The following C15orf40 variants were observed in gnomAD, a reference collection of about 807,000 sequenced individuals.
C15orf40 encodes chromosome 15 open reading frame 40.
A neutral mutation model predicts 13.9 loss-of-function variants in C15orf40; 9 were observed. That is an observed-to-expected ratio of 0.65 (90% CI 0.39 to 1.13). The LOEUF (loss-of-function observed/expected upper bound fraction) is 1.13, where lower values mean the gene tolerates loss of function less well. C15orf40 is among the 50% of genes most tolerant of loss of function. The probability of loss-of-function intolerance (pLI) is 0.01; values close to 1 mark genes in which losing one functional copy is unlikely to be tolerated. For missense variants in C15orf40, 225 were observed against 188.5 expected (o/e 1.19, Z -1.13); for synonymous variants, 95 against 69.2 (o/e 1.37, Z -1.85).
rs2031397492 is a variant in C15orf40, at chr15:83,001,038, CCT to C, written c.*4557_*4558del. 1.2e-6 allele frequency: 1 copy of C among 850,206 alleles called. No homozygotes were observed. Among genetic ancestry groups the C allele is most frequent in the African/African-American group, 1.8e-5 (1 of 54,506 alleles). 52.7% of individuals were successfully genotyped at this position (850,206 alleles called of 1,614,324 possible). On this transcript the variant is annotated 3_prime_UTR_variant, in exon 4 of 4. Transcript: ENST00000304177. ...ATATTGGTCAGGCTGGTCTTAAACTCCTGACTTCAAGTGATCCACCCGCCTCA... is the reference window on the plus strand; with the variant it reads ...ATATTGGTCAGGCTGGTCTTAAACTCGACTTCAAGTGATCCACCCGCCTCA...
At chr15:83,006,543 T>C in intron 3 of C15orf40, 27 of 868,296 alleles carry the variant, frequency 3.1e-5, no homozygotes, top group Non-Finnish European at 3.6e-5. Context: ...GTGGATCACC[T>C]GAGGTCAGGA....
chr15:82,989,396 C>T (rs987304764), downstream of C15orf40, among the ~76,000 whole-genome samples: 4 of 152,180 alleles, frequency 2.6e-5, no homozygotes, highest in Admixed American at 6.5e-5. Context: ...TGTTCAAGTG[C>T]GTGTGTTTTT....
Position 83,003,994 on chromosome 15 carries a change from C to G in C15orf40, c.*1603G>C, listed in dbSNP as rs1304515664. The G allele has an allele frequency of 6.6e-6, 1 of 151,852 alleles. No individual in the cohort carries two copies. The highest frequency in any genetic ancestry group is 1.5e-5 in the Non-Finnish European group (1 of 67,960). The allele number at this position is 151,852 out of a possible 1,614,324, so 9.4% of individuals were successfully genotyped here. On this transcript the variant is annotated 3_prime_UTR_variant, in exon 4 of 4. Transcript: ENST00000304177. ...AACTCCTAACCTCAGGTGATCCACC[C>G]GCCTCGACCTCCCAAAGTGCTGGGA... is the stretch of plus-strand genomic sequence containing the variant.
At chr15:82,991,970 C>T (rs1270377019), downstream of C15orf40, 2 of 1,210,184 alleles carry the variant, frequency 1.7e-6, no homozygotes, top group Non-Finnish European at 2.2e-6. Flanking sequence ...TATCCCAGCA[C>T]TCTGGGAGGC....
Position 82,998,543 on chromosome 15 carries a change from G to C in C15orf40, c.*7054C>G, listed in dbSNP as rs1173056900. The C allele has an allele frequency of 1.2e-5, 1 of 85,600 alleles. No homozygotes were observed. The highest frequency in any genetic ancestry group is 2.3e-5 in the Non-Finnish European group (1 of 43,616). The allele number at this position is 85,600 out of a possible 1,614,324, so 5.3% of individuals were successfully genotyped here. A position where few individuals can be genotyped will look rare whatever the true frequency, so the allele number is the denominator to read the frequency against. On this transcript the variant is annotated 3_prime_UTR_variant, in exon 4 of 4. Coordinates refer to ENST00000304177, the MANE Select transcript of C15orf40 (RefSeq NM_144597.3). ...CTCACATCCCAGATGGGGCGGCGGG[G>C]CAGAGGCGCTCCCCACATCTCAGAT...
chr15:82,989,397 G>A (rs543048661), downstream of C15orf40, among the ~76,000 whole-genome samples: 27 of 152,228 alleles, frequency 1.8e-4, no homozygotes, highest in South Asian at 3.3e-3. Flanking sequence ...GTTCAAGTGC[G>A]TGTGTTTTTT....
At chr15:82,993,410 T>C (rs1261074528), downstream of C15orf40, among the ~76,000 whole-genome samples, 1 of 152,208 alleles carries the variant, frequency 6.6e-6, no homozygotes, top group Admixed American at 6.5e-5. Context: ...TTTGTGATTG[T>C]TTCCTTATGT....
At chr15:83,008,902 C>A (rs1045183653) in intron 2 of C15orf40, among the ~76,000 whole-genome samples, 3 of 152,084 alleles carry the variant, frequency 2.0e-5, no homozygotes, top group Non-Finnish European at 4.4e-5. Context: ...AGTTATTGAC[C>A]CAATCTTGCC....
chr15:83,004,966 T>C lies in C15orf40; in HGVS notation c.*631A>G. On this transcript the variant is annotated 3_prime_UTR_variant, in exon 4 of 4. Transcript: ENST00000304177. ...CATGGTACAATCTTGAGTAAGTCTC[T>C]CAACTTCTGGATATAGGAAATCAAA... 2.3e-6 allele frequency: 3 copies of C among 1,284,282 alleles called. No individual in the cohort carries two copies. Among genetic ancestry groups the C allele is most frequent in the Admixed American group, 2.3e-5 (1 of 43,152 alleles). The allele number at this position is 1,284,282 out of a possible 1,614,324, so 79.6% of individuals were successfully genotyped here. A position where few individuals can be genotyped will look rare whatever the true frequency, so the allele number is the denominator to read the frequency against.
chr15:83,007,844 A>G (rs1199048465), intron 3 of C15orf40: 1 of 152,526 alleles, frequency 6.6e-6, no homozygotes, highest in African/African-American at 2.4e-5. Context: ...GTGAGCCAAG[A>G]TCACGCCACT....
downstream of C15orf40, chr15:82,990,546 T>TTA: frequency 1.1e-6 from 1 of 903,398 alleles, no homozygotes; most frequent in South Asian, 1.8e-5. Flanking sequence ...ACAATTGCTT[T>TTA]TTTTTTTTTT....
In C15orf40 at chr15:83,001,782, T is replaced by C. The variant is rs2151282049; in HGVS notation, c.*3815A>G. Reference sequence around the variant, plus strand: ...TAGGAATAGTCCTGTGTGAGACAATTAAGTTGTGAGGCTGCTGTAGACTAT... The same window carrying C: ...TAGGAATAGTCCTGTGTGAGACAATCAAGTTGTGAGGCTGCTGTAGACTAT... On this transcript the variant is annotated 3_prime_UTR_variant, in exon 4 of 4. Coordinates refer to ENST00000304177, the MANE Select transcript of C15orf40 (RefSeq NM_144597.3). 1 of 152,374 alleles carries C rather than the reference T, an allele frequency of 6.6e-6. No individual in the cohort carries two copies. The highest frequency in any genetic ancestry group is 1.5e-5 in the Non-Finnish European group (1 of 68,056). The allele number at this position is 152,374 out of a possible 1,614,324, so 9.4% of individuals were successfully genotyped here. A position where few individuals can be genotyped will look rare whatever the true frequency, so the allele number is the denominator to read the frequency against.
chr15:82,993,658 C>G (rs1008120955), downstream of C15orf40, among the ~76,000 whole-genome samples: 1 of 151,954 alleles, frequency 6.6e-6, no homozygotes, highest in African/African-American at 2.4e-5. Flanking sequence ...ATGAAAAATA[C>G]AAAAATTAGC....
rs759256241 is a variant in C15orf40 at position 83,005,546 on chromosome 15, A to G, written c.*51T>C. 6.7e-7 allele frequency: 1 copy of G among 1,495,938 alleles called. No homozygotes were observed. Among genetic ancestry groups the G allele is most frequent in the South Asian group, 1.2e-5 (1 of 84,916 alleles). 92.7% of individuals were successfully genotyped at this position (1,495,938 alleles called of 1,614,324 possible). On this transcript the variant is annotated 3_prime_UTR_variant, in exon 4 of 4. Transcript: ENST00000304177. ...TGATCCGCCCACCACGGCCTCCCAAAGTGCTGGGATTACAGGCATGAGCCA... is the reference window on the plus strand; with the variant it reads ...TGATCCGCCCACCACGGCCTCCCAAGGTGCTGGGATTACAGGCATGAGCCA...
chr15:83,010,771 T>C (rs2031961795), intron 1 of C15orf40: 1 of 165,024 alleles, frequency 6.1e-6, no homozygotes. Context: ...AAAAAAATAG[T>C]GCTTGATATT....
chr15:82,990,553 T>TTTTTGCA (rs1323912353), downstream of C15orf40: 4 of 1,029,448 alleles, frequency 3.9e-6, no homozygotes, highest in Middle Eastern at 9.0e-4. Flanking sequence ...CTTTTTTTTT[T>TTTTTGCA]TTTTGCATTT....
chr15:83,005,918 A>G (rs1272145801), intron 3 of C15orf40, among the ~76,000 whole-genome samples: 1 of 152,132 alleles, frequency 6.6e-6, no homozygotes, highest in Non-Finnish European at 1.5e-5. Flanking sequence ...CAATTTCTAT[A>G]ATAAAAGCTG....
Position 83,010,254 on chromosome 15 carries a change from T to C in C15orf40, c.221A>G (p.Lys74Arg), listed in dbSNP as rs768882688. 12 of 1,614,188 alleles carry C rather than the reference T, an allele frequency of 7.4e-6. No homozygotes were observed. Among genetic ancestry groups the C allele is most frequent in the African/African-American group, 1.3e-5 (1 of 75,052 alleles). The change falls in exon 2 of 4, where the codon AAA becomes AGA. Residue 74 changes from lysine (K) to arginine (R), a missense_variant. Transcript: ENST00000304177. ...TIAIHAKPGSKQNAVTDLTAE... is the reference protein window; with the variant it reads ...TIAIHAKPGSRQNAVTDLTAE... ...AGGTATACCTGTTACAGCATTTTGT[T>C]TGGAGCCAGGTTTTGCATGGATGGC...
At position 83,003,920 on chromosome 15, in the gene C15orf40, A is replaced by G. The variant is rs1881751193; in HGVS notation, c.*1677T>C. 2 of 151,604 alleles carry G rather than the reference A, an allele frequency of 1.3e-5. No homozygotes were observed. Among genetic ancestry groups the G allele is most frequent in the Non-Finnish European group, 2.9e-5 (2 of 67,908 alleles). 9.4% of individuals were successfully genotyped at this position (151,604 alleles called of 1,614,324 possible). On this transcript the variant is annotated 3_prime_UTR_variant, in exon 4 of 4. Coordinates refer to ENST00000304177, the MANE Select transcript of C15orf40 (RefSeq NM_144597.3). Reference sequence around the variant, plus strand: ...CCACCACCATGCCTGGCTAGTTTTTATATTTTTAGTAGAGATGGGGTTTTA... The same window carrying G: ...CCACCACCATGCCTGGCTAGTTTTTGTATTTTTAGTAGAGATGGGGTTTTA...
Sources: allele counts gnomAD v4.1 joint callset (sites outside exome capture counted in the v4.1 genomes callset), GRCh38; gene constraint gnomAD v4.1.1; transcripts MANE v1.5; gene names NCBI Gene and HGNC (gene_info 2026-07-23, HGNC 2026-07-21).